Variants in ERG observed in about 807,000 individuals in gnomAD.
ERG encodes the protein ETS transcription factor ERG.
A neutral mutation model predicts 55.3 loss-of-function variants in ERG; 9 were observed. That is an observed-to-expected ratio of 0.16 (90% confidence interval 0.10 to 0.28). The LOEUF is 0.28. Ranked by LOEUF, ERG falls within the 10% of genes least tolerant of loss-of-function variation. ERG has a pLI of 1.00. For synonymous variants in ERG, 223 were observed against 237.3 expected, an observed-to-expected ratio of 0.94 and a Z score of 0.55; for missense variants, 434 against 631.6, an observed-to-expected ratio of 0.69 and a Z score of 3.35.
intron 3 of ERG, among the ~76,000 whole-genome samples, chr21:38,413,375 T>A (rs1569077463): frequency 6.6e-6 from 1 of 152,232 alleles, no homozygotes; most frequent in African/African-American, 2.4e-5. Context: ...GCATACTTTT[T>A]ACCTATTTAC....
chr21:38,649,031 C>A (rs1333858282), intron 1 of ERG, among the ~76,000 whole-genome samples: 1 of 152,168 alleles, frequency 6.6e-6, no homozygotes, highest in African/African-American at 2.4e-5. Flanking sequence ...ACTTGTCATG[C>A]CCCTGAATCC....
At chr21:38,601,252 G>A (rs1176391809) in intron 1 of ERG, among the ~76,000 whole-genome samples, 1 of 152,150 alleles carries the variant, frequency 6.6e-6, no homozygotes, top group African/African-American at 2.4e-5. Flanking sequence ...ACCACTGATA[G>A]GAATCCCCAC....
chr21:38,606,405 G>C (rs2060197452), intron 1 of ERG, among the ~76,000 whole-genome samples: 1 of 152,122 alleles, frequency 6.6e-6, no homozygotes, highest in African/African-American at 2.4e-5. Context: ...ACTTTATAGA[G>C]ACACTTTCAT....
chr21:38,377,942 A>G (rs1223603207), downstream of ERG, among the ~76,000 whole-genome samples: 1 of 152,196 alleles, frequency 6.6e-6, no homozygotes, highest in African/African-American at 2.4e-5. Context: ...AGCAAAGTTC[A>G]TTTATCCCAT....
At chr21:38,559,821 C>T (rs1484519198) in intron 2 of ERG, among the ~76,000 whole-genome samples, 1 of 152,160 alleles carries the variant, frequency 6.6e-6, no homozygotes, top group Non-Finnish European at 1.5e-5. Flanking sequence ...GCTGGGATTA[C>T]AGGCATGCGC....
chr21:38,397,225 G>A (rs1002641681), intron 6 of ERG, among the ~76,000 whole-genome samples: 3 of 152,130 alleles, frequency 2.0e-5, no homozygotes, highest in African/African-American at 4.8e-5. Flanking sequence ...CAGCAGCAGC[G>A]AGACTGACCT....
chr21:38,420,458 A>G (rs997241635), intron 3 of ERG, among the ~76,000 whole-genome samples: 11 of 152,212 alleles, frequency 7.2e-5, no homozygotes, highest in African/African-American at 2.7e-4. Flanking sequence ...GGCGTGAAGC[A>G]ACTGAAGGAG....
the ERG span, among the ~76,000 whole-genome samples, chr21:38,371,445 T>C: frequency 0.01 from 1,527 of 152,172 alleles, 25 homozygotes; most frequent in African/African-American, 0.035. Flanking sequence ...AGCATCTTTT[T>C]CTTGTTCTTG....
chr21:38,474,068 A>G (rs190738349), intron 1 of ERG: 2 of 152,328 alleles, frequency 1.3e-5, no homozygotes, highest in East Asian at 3.9e-4. Context: ...AGAAACAGCA[A>G]TGAGATCTTG....
chr21:38,602,048 G>A (rs1168773396), intron 1 of ERG, among the ~76,000 whole-genome samples: 1 of 152,102 alleles, frequency 6.6e-6, no homozygotes, highest in East Asian at 1.9e-4. Flanking sequence ...CTTCCTGAGT[G>A]CTTTTTACCT....
intron 2 of ERG, among the ~76,000 whole-genome samples, chr21:38,511,247 A>T (rs945593204): frequency 2.0e-5 from 3 of 152,220 alleles, no homozygotes; most frequent in Non-Finnish European, 4.4e-5. Flanking sequence ...CATTCAATCA[A>T]TATTTTGTCT....
At chr21:38,498,715 G>A (rs1405018662), upstream of ERG, among the ~76,000 whole-genome samples, 2 of 152,052 alleles carry the variant, frequency 1.3e-5, no homozygotes, top group Non-Finnish European at 2.9e-5. This position sits in a 1 kb window ranked among gnomAD's most constrained non-coding sequence, Gnocchi z 4.6. Context: ...GTGTGCCGCC[G>A]TGTGACACAC....
intron 1 of ERG, among the ~76,000 whole-genome samples, chr21:38,626,921 T>C (rs976889827): frequency 6.6e-6 from 1 of 152,112 alleles, no homozygotes; most frequent in African/African-American, 2.4e-5. Context: ...GAAAGTATAA[T>C]CCCTCATATA....
At chr21:38,584,403 C>T (rs1601278882) in intron 1 of ERG, among the ~76,000 whole-genome samples, 1 of 152,174 alleles carries the variant, frequency 6.6e-6, no homozygotes, top group South Asian at 2.1e-4. Flanking sequence ...GTTTCAATTG[C>T]ATTCAGGTGA....
chr21:38,397,856 G>A (rs542595780), intron 6 of ERG, among the ~76,000 whole-genome samples: 14 of 152,162 alleles, frequency 9.2e-5, no homozygotes, highest in African/African-American at 3.1e-4. Context: ...ATAATGAAAC[G>A]GCCACCATGC....
At chr21:38,602,892 C>T (rs1164484698) in intron 1 of ERG, among the ~76,000 whole-genome samples, 1 of 151,968 alleles carries the variant, frequency 6.6e-6, no homozygotes, top group African/African-American at 2.4e-5. Context: ...GAATGAATTT[C>T]CTTCTGAGAA....
intron 4 of ERG, 42 bp from the exon 5 acceptor site, chr21:38,402,679 A>AG (rs1988553585): frequency 6.0e-6 from 7 of 1,172,914 alleles, no homozygotes; most frequent in Non-Finnish European, 7.3e-6. Flanking sequence ...TGAAAAAAAA[A>AG]AGAGAGAGAG....
chr21:38,640,566 G>A (rs1266781487), intron 1 of ERG, among the ~76,000 whole-genome samples: 2 of 152,108 alleles, frequency 1.3e-5, no homozygotes, highest in African/African-American at 4.8e-5. Context: ...AAGATCTGAT[G>A]GTTTTATGAG....
At chr21:38,490,205 T>TTTG (rs2059323616) in intron 1 of ERG, among the ~76,000 whole-genome samples, 1 of 151,928 alleles carries the variant, frequency 6.6e-6, no homozygotes, top group Non-Finnish European at 1.5e-5. Context: ...AATGGACAAA[T>TTTG]TGGCTAATTG....
Sources: gnomAD v4.1 joint callset for allele counts (sites outside exome capture counted in the v4.1 genomes callset) on GRCh38, gnomAD v4.1.1 for gene constraint, Gnocchi (gnomAD v3.1) non-coding constraint, MANE v1.5 for transcripts, NCBI Gene and HGNC (gene_info 2026-07-23, HGNC 2026-07-21) for gene names.